The following RUNX2 variants were observed in gnomAD, a reference collection of about 807,000 sequenced individuals.
The protein encoded by RUNX2 is runt-related transcription factor 2.
RUNX2 carries 10 observed loss-of-function variants against 51.7 expected under a neutral mutation model. That is an observed-to-expected ratio of 0.19 (90% CI 0.12 to 0.33). RUNX2 has a LOEUF of 0.33. RUNX2 is among the 10% of genes least tolerant of loss of function. The probability of loss-of-function intolerance (pLI) is 1.00; values close to 1 mark genes in which losing one functional copy is unlikely to be tolerated. For missense variants in RUNX2, 562 were observed against 691.3 expected (o/e 0.81, Z 2.10); for synonymous variants, 276 against 273.6 (o/e 1.01, Z -0.09).
chr6:45,530,210 G>T (rs1442047854), intron 7 of RUNX2, among the ~76,000 whole-genome samples: 2 of 152,174 alleles, frequency 1.3e-5, no homozygotes, highest in African/African-American at 4.8e-5. Flanking sequence ...CCTCCCAGGG[G>T]TCTTCCTACC....
intron 2 of RUNX2, among the ~76,000 whole-genome samples, chr6:45,400,134 G>A (rs199766516): frequency 3.3e-4 from 48 of 144,314 alleles, no homozygotes; most frequent in African/African-American, 1.2e-3. Context: ...AGGGAAGGAA[G>A]GAGGGAGGGA....
intron 2 of RUNX2, among the ~76,000 whole-genome samples, chr6:45,354,458 A>G (rs890535004): frequency 6.6e-6 from 1 of 152,236 alleles, no homozygotes; most frequent in East Asian, 1.9e-4. Flanking sequence ...AAGGAATCAT[A>G]GATGCTTTTA....
At chr6:45,344,441 T>TC (rs1790438367) in intron 2 of RUNX2, among the ~76,000 whole-genome samples, 1 of 152,124 alleles carries the variant, frequency 6.6e-6, no homozygotes, top group Admixed American at 6.5e-5. Context: ...TGATGGTTTT[T>TC]TTTTTCATTC....
At chr6:45,428,366 G>A (rs1798441830) in intron 3 of RUNX2, among the ~76,000 whole-genome samples, 2 of 152,002 alleles carry the variant, frequency 1.3e-5, no homozygotes, top group African/African-American at 4.8e-5. Flanking sequence ...ACTTCTGATT[G>A]ATATAAAGTC....
At chr6:45,492,599 C>T (rs868599817) in intron 6 of RUNX2, among the ~76,000 whole-genome samples, 1 of 152,132 alleles carries the variant, frequency 6.6e-6, no homozygotes, top group African/African-American at 2.4e-5. Flanking sequence ...TGTGGCTCAT[C>T]GGGCACACAG....
At chr6:45,421,263 T>C (rs776686637) in intron 2 of RUNX2, 1 of 152,096 alleles carries the variant, frequency 6.6e-6, no homozygotes, top group African/African-American at 2.4e-5. Flanking sequence ...AGTTTTTCAG[T>C]CCTTAAAACA....
At chr6:45,526,323 C>A (rs934000202) in intron 7 of RUNX2, among the ~76,000 whole-genome samples, 1 of 152,130 alleles carries the variant, frequency 6.6e-6, no homozygotes, top group African/African-American at 2.4e-5. Context: ...ATCTCTCATA[C>A]CCTTGCATGG....
rs78925957 is a variant in RUNX2 at position 45,473,500 on chromosome 6, C to G, written c.686-18441C>G. On this transcript the variant is annotated intron_variant, in intron 5 of 8. Coordinates refer to ENST00000647337, the MANE Select transcript of RUNX2 (RefSeq NM_001024630.4). ...CATGTGGTACTCAAAGGTGGGGGAG[C>G]GGTGGCGGCGGTGTTGCCTTATGCT... Among the ~76,000 whole-genome samples, 963 of 152,226 alleles carry G rather than the reference C, an allele frequency of 6.3e-3. 9 individuals carry two copies. Among genetic ancestry groups the G allele is most frequent in the African/African-American group, 0.022 (901 of 41,526 alleles).
At chr6:45,484,690 A>G (rs1401009387) in intron 5 of RUNX2, among the ~76,000 whole-genome samples, 1 of 152,180 alleles carries the variant, frequency 6.6e-6, no homozygotes. Context: ...TGAACTCCCT[A>G]AGATACAGTA....
At chr6:45,539,114 C>T (rs766791547) in intron 7 of RUNX2, among the ~76,000 whole-genome samples, 1 of 152,130 alleles carries the variant, frequency 6.6e-6, no homozygotes, top group Non-Finnish European at 1.5e-5. Flanking sequence ...CTACTGCCTG[C>T]CCCCTTTCCC....
chr6:45,370,687 A>T (rs1410223322), intron 2 of RUNX2, among the ~76,000 whole-genome samples: 1 of 152,118 alleles, frequency 6.6e-6, no homozygotes, highest in Non-Finnish European at 1.5e-5. Context: ...ATATCAAAAC[A>T]CCCTGTAAAC....
At chr6:45,346,457 C>T (rs1790879745) in intron 2 of RUNX2, among the ~76,000 whole-genome samples, 1 of 152,146 alleles carries the variant, frequency 6.6e-6, no homozygotes, top group Non-Finnish European at 1.5e-5. Context: ...CTAAACTACA[C>T]ACTCTCTTGG....
At chr6:45,512,223 A>C (rs1489111116) in intron 6 of RUNX2, 23 bp from the exon 7 acceptor site, 8 of 1,610,778 alleles carry the variant, frequency 5.0e-6, no homozygotes, top group Non-Finnish European at 6.8e-6. Flanking sequence ...TATACTAAAG[A>C]TTTTTCTTTT....
chr6:45,539,219 T>C (rs1035432827), intron 7 of RUNX2, among the ~76,000 whole-genome samples: 41 of 151,432 alleles, frequency 2.7e-4, no homozygotes, highest in East Asian at 1.7e-3. Flanking sequence ...AGGTTTTTTT[T>C]TCTCTCTCTC....
chr6:45,507,287 G>T (rs757029439), intron 6 of RUNX2, among the ~76,000 whole-genome samples: 2 of 152,056 alleles, frequency 1.3e-5, no homozygotes, highest in Non-Finnish European at 2.9e-5. Flanking sequence ...CTTGTTTGTC[G>T]TTAATTAGTA....
At chr6:45,493,128 G>A (rs186248774) in intron 6 of RUNX2, among the ~76,000 whole-genome samples, 57 of 152,194 alleles carry the variant, frequency 3.7e-4, no homozygotes, top group Admixed American at 1.4e-3. Flanking sequence ...TTATGTAAAT[G>A]TATTCTTGGA....
At chr6:45,340,650 A>G (rs1198295028) in intron 2 of RUNX2, among the ~76,000 whole-genome samples, 2 of 152,108 alleles carry the variant, frequency 1.3e-5, no homozygotes. Flanking sequence ...TCAGAAAAAA[A>G]AAGTTTCAAG....
At chr6:45,467,197 G>T (rs1413925411) in intron 5 of RUNX2, among the ~76,000 whole-genome samples, 1 of 151,954 alleles carries the variant, frequency 6.6e-6, no homozygotes, top group Non-Finnish European at 1.5e-5. Flanking sequence ...CTCCATCCTT[G>T]GTCTCTTCCA....
intron 2 of RUNX2, among the ~76,000 whole-genome samples, chr6:45,358,840 T>C (rs184410887): frequency 2.2e-4 from 33 of 152,260 alleles, no homozygotes; most frequent in Admixed American, 1.8e-3. Flanking sequence ...AAAAAAAGAC[T>C]ATAAATAGCT....
Sources: gnomAD v4.1 joint callset for allele counts (sites outside exome capture counted in the v4.1 genomes callset) on GRCh38, gnomAD v4.1.1 for gene constraint, MANE v1.5 for transcripts, NCBI Gene and HGNC (gene_info 2026-07-23, HGNC 2026-07-21) for gene names.